TMEM59: variants seen among roughly 807,000 people sequenced by gnomAD.
TMEM59 encodes transmembrane protein 59, also known as dendritic cell factor 1.
Under a neutral mutation model 42.2 loss-of-function variants are expected in TMEM59, and 44 were observed. The observed-to-expected ratio is 1.04, with a 90% confidence interval of 0.82 to 1.34. The LOEUF is 1.34. TMEM59 is among the 40% of genes most tolerant of loss of function. The pLI is 0.00. For synonymous variants in TMEM59, 148 were observed against 145.8 expected (o/e 1.02, Z -0.11); for missense variants, 359 against 382.8 (o/e 0.94, Z 0.52).
chr1:54,050,428 C>T (rs1179301343), intron 1 of TMEM59, among the ~76,000 whole-genome samples: 1 of 150,288 alleles, frequency 6.7e-6, no homozygotes, highest in Non-Finnish European at 1.5e-5. Flanking sequence ...CAGCCTAAAA[C>T]GAGATTTCTA....
At chr1:54,039,436 C>G (rs1460413276) in intron 6 of TMEM59, among the ~76,000 whole-genome samples, 2 of 152,124 alleles carry the variant, frequency 1.3e-5, no homozygotes, top group African/African-American at 4.8e-5. Context: ...ATCCTAAATA[C>G]TGGAAAGAAA....
intron 7 of TMEM59, among the ~76,000 whole-genome samples, chr1:54,035,403 T>C (rs1656909794): frequency 6.6e-6 from 1 of 152,238 alleles, no homozygotes; most frequent in African/African-American, 2.4e-5. Flanking sequence ...ATTATTATTC[T>C]ATATTTAGTT....
chr1:54,044,341 C>CAAAAAAAGA (rs1657251767), intron 3 of TMEM59: 1 of 70,404 alleles, frequency 1.4e-5, no homozygotes, highest in African/African-American at 4.2e-5. Context: ...GACTCCATCA[C>CAAAAAAAGA]AAAAAAAAAA....
At position 54,028,114 on chromosome 1, in the gene TMEM59, C is replaced by G. The variant is rs559588065; in HGVS notation, c.*4036G>C. 6.6e-6 allele frequency: 1 copy of G among 152,064 alleles called. No homozygotes were observed. Among genetic ancestry groups the G allele is most frequent in the Non-Finnish European group, 1.5e-5 (1 of 68,006 alleles). The allele number at this position is 152,064 out of a possible 1,614,324, so 9.4% of individuals were successfully genotyped here. A position where few individuals can be genotyped will look rare whatever the true frequency, so the allele number is the denominator to read the frequency against. On this transcript the variant is annotated 3_prime_UTR_variant, in exon 8 of 8. Transcript: ENST00000234831. ...GGCTTCCTAGAGACTGGTTGGCAAA[C>G]GTAGAATTAAGAGGATGGTGATAAG...
chr1:54,037,081 C>T (rs1656977875), intron 6 of TMEM59, among the ~76,000 whole-genome samples: 1 of 152,118 alleles, frequency 6.6e-6, no homozygotes, highest in South Asian at 2.1e-4. Context: ...TATTACGATA[C>T]TTGCTTTAAG....
rs1175948490 is a variant in TMEM59 at position 54,053,084 on chromosome 1, A to AGCCGAAGCGGTC, written c.93_104dup (p.Thr32_Ala35dup). 1.9e-6 allele frequency: 3 copies of AGCCGAAGCGGTC among 1,614,132 alleles called. No individual in the cohort carries two copies. Among genetic ancestry groups the AGCCGAAGCGGTC allele is most frequent in the Admixed American group, 1.7e-5 (1 of 60,008 alleles). ...CACCCAAGACCGAGTCAAATGCTTC[A>AGCCGAAGCGGTC]GCCGAAGCGGTCCCCGAACCTCCGG... On this transcript the variant is annotated inframe_insertion, in exon 1 of 8. Coordinates refer to ENST00000234831, the MANE Select transcript of TMEM59 (RefSeq NM_004872.5).
intron 4 of TMEM59, among the ~76,000 whole-genome samples, chr1:54,043,131 A>G (rs1657200293): frequency 6.6e-6 from 1 of 152,216 alleles, no homozygotes; most frequent in Non-Finnish European, 1.5e-5. Context: ...CATAAAATTT[A>G]AAAGACTCAA....
intron 1 of TMEM59, chr1:54,047,637 A>C: frequency 2.6e-6 from 1 of 379,814 alleles, no homozygotes; most frequent in Non-Finnish European, 4.7e-6. Context: ...TTTGGTTACA[A>C]TCTGTGGGGG....
At chr1:54,053,436 C>A, upstream of TMEM59, 1 of 522,480 alleles carries the variant, frequency 1.9e-6, no homozygotes, top group Non-Finnish European at 3.4e-6. Flanking sequence ...CGAAGCGGGG[C>A]CTCCTGACTT....
At chr1:54,032,488 C>T (rs1287354797) in intron 7 of TMEM59, among the ~76,000 whole-genome samples, 183 bp from the exon 8 acceptor site, 1 of 152,170 alleles carries the variant, frequency 6.6e-6, no homozygotes, top group Non-Finnish European at 1.5e-5. Flanking sequence ...AATGGATGGC[C>T]AAAGAAAGCT....
chr1:54,047,533 G>C lies in TMEM59; in HGVS notation c.190-161C>G, dbSNP rs1008597765. ...ATGATAGGAGCCAGTTGATACTCAAGACCTTTGCCATATAGAGGTTTTAGT... is the reference window on the plus strand; with the variant it reads ...ATGATAGGAGCCAGTTGATACTCAACACCTTTGCCATATAGAGGTTTTAGT... On this transcript the variant is annotated intron_variant, in intron 1 of 7. Transcript: ENST00000234831. 8 of 613,264 alleles carry C rather than the reference G, an allele frequency of 1.3e-5. No homozygotes were observed. In the African/African-American group the frequency reaches 1.3e-4, roughly 10 times the overall value. 38.0% of individuals were successfully genotyped at this position (613,264 alleles called of 1,614,324 possible). A position where few individuals can be genotyped will look rare whatever the true frequency, so the allele number is the denominator to read the frequency against.
At chr1:54,036,573 C>T (rs1331921967) in intron 7 of TMEM59, 37 bp downstream of exon 7, 1 of 1,470,280 alleles carries the variant, frequency 6.8e-7, no homozygotes, top group Middle Eastern at 1.8e-4. Flanking sequence ...TGATATATCA[C>T]AGGGCTCAGT....
chr1:54,034,971 A>G (rs1656898483), intron 7 of TMEM59: 1 of 152,232 alleles, frequency 6.6e-6, no homozygotes, highest in African/African-American at 2.4e-5. Context: ...GATTTTATAC[A>G]TCAACATGAA....
chr1:54,043,284 G>A, intron 4 of TMEM59, 89 bp downstream of exon 4: 2 of 1,126,640 alleles, frequency 1.8e-6, no homozygotes, highest in Non-Finnish European at 2.3e-6. Flanking sequence ...GTAAGTGACT[G>A]AGTATGGTTC....
intron 1 of TMEM59, among the ~76,000 whole-genome samples, chr1:54,052,460 G>A (rs1372216750): frequency 6.6e-6 from 1 of 152,162 alleles, no homozygotes; most frequent in Non-Finnish European, 1.5e-5. Flanking sequence ...AACATAGGCA[G>A]ACAGCATTCC....
rs1244342107 is a variant in TMEM59 at position 54,047,355 on chromosome 1, T to C, written c.207A>G (p.Ala69=). Residue 69 remains alanine (A), a synonymous_variant, in exon 2 of 8, where the codon GCA becomes GCG. Coordinates refer to ENST00000234831, the MANE Select transcript of TMEM59 (RefSeq NM_004872.5). ...AAAACAGCCTGCAACCTCTCTGACA[T>C]GCGTACAACTCCTCTTCCTAGGGAG... ...HTYPKEEELY[A]CQRGCRLFSI... The C allele has an allele frequency of 2.5e-6, 4 of 1,613,588 alleles. No homozygotes were observed. Among genetic ancestry groups the C allele is most frequent in the Non-Finnish European group, 3.4e-6 (4 of 1,179,930 alleles).
At chr1:54,032,352 C>A in intron 7 of TMEM59, 47 bp from the exon 8 acceptor site, 2 of 1,460,776 alleles carry the variant, frequency 1.4e-6, no homozygotes, top group South Asian at 1.5e-5. Context: ...TAATTAGGAA[C>A]CTCTCCAAGT....
intron 4 of TMEM59, among the ~76,000 whole-genome samples, chr1:54,042,863 A>C (rs1235503258): frequency 1.3e-5 from 2 of 152,232 alleles, no homozygotes; most frequent in African/African-American, 2.4e-5. Flanking sequence ...TATCTAGCAC[A>C]ATATAACCTC....
chr1:54,038,604 C>T (rs1426476779), intron 6 of TMEM59, among the ~76,000 whole-genome samples: 1 of 152,176 alleles, frequency 6.6e-6, no homozygotes, highest in African/African-American at 2.4e-5. Flanking sequence ...CAATAACTGG[C>T]TGAGTGATTC....
Sources: gnomAD v4.1 joint callset for allele counts (sites outside exome capture counted in the v4.1 genomes callset) on GRCh38, gnomAD v4.1.1 for gene constraint, MANE v1.5 for transcripts, NCBI Gene and HGNC (gene_info 2026-07-23, HGNC 2026-07-21) for gene names.